The following MTHFD1L variants were observed in gnomAD, a reference collection of about 807,000 sequenced individuals.
MTHFD1L encodes the protein methylenetetrahydrofolate dehydrogenase (NADP+ dependent) 1 like.
MTHFD1L carries 81 observed loss-of-function variants against 119.5 expected under a neutral mutation model. That is an observed-to-expected ratio of 0.68 (90% CI 0.57 to 0.82). MTHFD1L has a LOEUF of 0.82. Among genes scored for constraint, MTHFD1L ranks in the 40% least tolerant of loss-of-function variants. The pLI, the probability that MTHFD1L is intolerant of heterozygous loss-of-function variation, is 0.00. For missense variants in MTHFD1L, 1,125 were observed against 1,253.4 expected (o/e 0.90, Z 1.55); for synonymous variants, 430 against 475.2 (o/e 0.90, Z 1.24).
chr6:150,962,998 C>CT (rs1008526330), intron 18 of MTHFD1L, among the ~76,000 whole-genome samples: 11 of 150,854 alleles, frequency 7.3e-5, no homozygotes, highest in African/African-American at 2.7e-4. Flanking sequence ...TCACTGCAAC[C>CT]TCCAACTCCC....
At chr6:151,100,416 T>C (rs1795278475) in intron 27 of MTHFD1L, among the ~76,000 whole-genome samples, 1 of 152,136 alleles carries the variant, frequency 6.6e-6, no homozygotes. Context: ...TCGTTCCCTC[T>C]CTTCATCAAT....
chr6:151,084,731 C>T (rs2346515), intron 26 of MTHFD1L, among the ~76,000 whole-genome samples: 98,880 of 151,452 alleles, frequency 0.65, 33,855 homozygotes, highest in East Asian at 0.91. Flanking sequence ...TTTGGGAGGC[C>T]GAGGCGGGCA....
chr6:151,016,974 C>T (rs746070571), intron 24 of MTHFD1L, among the ~76,000 whole-genome samples: 2 of 151,344 alleles, frequency 1.3e-5, no homozygotes, highest in Non-Finnish European at 2.9e-5. Flanking sequence ...GGGGTTTCAC[C>T]GTGTTGCCCG....
rs140086708 is a variant in MTHFD1L at position 150,928,171 on chromosome 6, C to T, written c.1256+1876C>T. ...CCAAAACAGGCCAAGCGCGGTGGCT[C>T]ACACCTGTAATCCCAGCTCTTTGGG... is the stretch of plus-strand genomic sequence containing the variant. On this transcript the variant is annotated intron_variant, in intron 11 of 27. Transcript: ENST00000367321. 9.7e-3 allele frequency among the ~76,000 whole-genome samples: 1,477 copies of T among 152,200 alleles called. 10 individuals carry two copies. The highest frequency in any genetic ancestry group is 0.017 in the Middle Eastern group (5 of 294).
intron 20 of MTHFD1L, among the ~76,000 whole-genome samples, chr6:150,984,615 G>C (rs1392669565): frequency 6.8e-6 from 1 of 147,972 alleles, no homozygotes; most frequent in East Asian, 1.9e-4. Context: ...AAGTAAAAAA[G>C]TACCTACCGT....
Position 150,887,896 on chromosome 6 carries a change from T to C in MTHFD1L, c.695T>C (p.Leu232Ser). ...TTGGTAGTGGGGGCCCATGGGTCTT[T>C]GGAAGCTGCTCTACAATGCCTGTTC... ...KILVVGAHGS[L>S]EAALQCLFQR... The change falls in exon 7 of 28, where the codon TTG (leucine) becomes TCG (serine). Residue 232 changes from leucine to serine, a missense_variant. Around this residue, in one of 3 missense-constraint regions of MTHFD1L, gnomAD observed 1,058 missense variants for 1,151.2 expected, o/e 0.92. Coordinates refer to ENST00000367321, the MANE Select transcript of MTHFD1L (RefSeq NM_015440.5). 2 of 1,610,422 alleles carry C rather than the reference T, an allele frequency of 1.2e-6. No individual in the cohort carries two copies. The highest frequency in any genetic ancestry group is 1.7e-5 in the Admixed American group (1 of 59,280).
intron 26 of MTHFD1L, among the ~76,000 whole-genome samples, chr6:151,087,456 G>A (rs968467394): frequency 1.3e-5 from 2 of 152,106 alleles, no homozygotes; most frequent in Non-Finnish European, 2.9e-5. Context: ...ATAGATATGT[G>A]TAAAAATGCT....
chr6:151,077,279 A>G (rs1434214032), intron 26 of MTHFD1L, among the ~76,000 whole-genome samples: 1 of 152,236 alleles, frequency 6.6e-6, no homozygotes, highest in Non-Finnish European at 1.5e-5. Context: ...AGAGGATACT[A>G]AAAGCTTTCA....
chr6:151,073,761 C>T (rs574231519), intron 26 of MTHFD1L, among the ~76,000 whole-genome samples: 12 of 151,758 alleles, frequency 7.9e-5, no homozygotes, highest in South Asian at 4.2e-4. Context: ...TAAAGACATG[C>T]AGTAGAAACT....
intron 13 of MTHFD1L, among the ~76,000 whole-genome samples, chr6:150,940,637 A>G (rs896183035): frequency 6.6e-6 from 1 of 151,674 alleles, no homozygotes; most frequent in Non-Finnish European, 1.5e-5. Context: ...CTGGAGTGCA[A>G]TGGTGCAATC....
At chr6:151,051,995 G>C (rs1424944097) in intron 26 of MTHFD1L, among the ~76,000 whole-genome samples, 7 of 152,244 alleles carry the variant, frequency 4.6e-5, no homozygotes. Context: ...TGGAAGTGGA[G>C]AGGATGGCAT....
At chr6:150,901,328 T>C (rs1169688557) in intron 7 of MTHFD1L, among the ~76,000 whole-genome samples, 3 of 152,042 alleles carry the variant, frequency 2.0e-5, no homozygotes, top group African/African-American at 4.8e-5. Flanking sequence ...AAAAACAAAA[T>C]GAACTGAGCA....
At chr6:150,879,890 A>C (rs1289673210) in intron 4 of MTHFD1L, among the ~76,000 whole-genome samples, 1 of 151,980 alleles carries the variant, frequency 6.6e-6, no homozygotes, top group Non-Finnish European at 1.5e-5. Flanking sequence ...TGGCCTCCCA[A>C]AGCGCTGGGA....
At chr6:150,922,665 A>G (rs375774444) in intron 10 of MTHFD1L, among the ~76,000 whole-genome samples, 275 of 109,160 alleles carry the variant, frequency 2.5e-3, no homozygotes, top group African/African-American at 8.4e-3. Context: ...TTTTTTTGAG[A>G]TGGAGTCTTG....
chr6:150,949,289 G>A (rs757362359), intron 16 of MTHFD1L, among the ~76,000 whole-genome samples, 156 bp downstream of exon 16: 20 of 151,724 alleles, frequency 1.3e-4, no homozygotes, highest in Non-Finnish European at 2.5e-4. Flanking sequence ...TACTATTATC[G>A]TACCACCCTC....
chr6:150,978,365 G>C (rs967689992), intron 20 of MTHFD1L, among the ~76,000 whole-genome samples: 3 of 152,166 alleles, frequency 2.0e-5, no homozygotes, highest in Admixed American at 6.5e-5. Flanking sequence ...TCCTTATCCA[G>C]AGGTGCTTGT....
At position 151,000,291 on chromosome 6, in the gene MTHFD1L, C is replaced by T. The variant is rs577466670; in HGVS notation, c.2126-9528C>T. ...GGTGGAGGTTGCAGTGAGCCGAGAT[C>T]GTGCCACTGCACTCCAGCCTGGCAA... is the stretch of plus-strand genomic sequence containing the variant. On this transcript the variant is annotated intron_variant, in intron 20 of 27. Transcript: ENST00000367321. 4.7e-5 allele frequency among the ~76,000 whole-genome samples: 7 copies of T among 149,728 alleles called. No individual in the cohort carries two copies. In the East Asian group the frequency reaches 5.9e-4, roughly 13 times the overall value.
chr6:150,892,867 T>C (rs1414535830), intron 7 of MTHFD1L, among the ~76,000 whole-genome samples: 2 of 152,172 alleles, frequency 1.3e-5, no homozygotes, highest in Admixed American at 1.3e-4. Context: ...CTAGCCTTCC[T>C]TGGAGTCGTG....
chr6:151,035,323 T>G (rs567835487), intron 25 of MTHFD1L, among the ~76,000 whole-genome samples: 2 of 152,310 alleles, frequency 1.3e-5, no homozygotes, highest in South Asian at 2.1e-4. Flanking sequence ...GTCGGATAGA[T>G]AGCAGTCAGA....
Sources: allele counts gnomAD v4.1 joint callset (sites outside exome capture counted in the v4.1 genomes callset), GRCh38; gene constraint gnomAD v4.1.1; regional missense constraint gnomAD v4.1.1; transcripts MANE v1.5; gene names NCBI Gene and HGNC (gene_info 2026-07-23, HGNC 2026-07-21).